TLE2: variants seen among roughly 807,000 people sequenced by gnomAD.
The protein encoded by TLE2 is transducin-like enhancer protein 2.
Under a neutral mutation model 97.2 loss-of-function variants are expected in TLE2, and 74 were observed. The observed-to-expected ratio is 0.76, with a 90% CI of 0.63 to 0.92. The LOEUF (loss-of-function observed/expected upper bound fraction) is 0.92, where lower values mean the gene tolerates loss of function less well. Among genes scored for constraint, TLE2 ranks in the 40% least tolerant of loss-of-function variants. The pLI is 0.00. For synonymous variants in TLE2, 499 were observed against 432.1 expected (o/e 1.15, Z -1.92); for missense variants, 1,038 against 1,008.7 (o/e 1.03, Z -0.39).
At chr19:3,044,399 T>C (rs907208863) in intron 1 of TLE2, among the ~76,000 whole-genome samples, 7 of 152,046 alleles carry the variant, frequency 4.6e-5, no homozygotes, top group Non-Finnish European at 8.8e-5. Flanking sequence ...CTGGCCCACA[T>C]CCACCCATCT....
At chr19:3,015,906 G>A (rs753968203) in intron 8 of TLE2, 146 bp from the exon 9 acceptor site, 85 of 708,414 alleles carry the variant, frequency 1.2e-4, no homozygotes, top group Non-Finnish European at 2.0e-4. Flanking sequence ...AGCTTCCAAC[G>A]GCTGACTCAG....
At chr19:3,032,168 G>C (rs538640428), upstream of TLE2, among the ~76,000 whole-genome samples, 1 of 152,018 alleles carries the variant, frequency 6.6e-6, no homozygotes, top group Admixed American at 6.5e-5. The surrounding 1 kb of genome is among the most constrained non-coding windows in gnomAD (Gnocchi z 4.1). Context: ...CTGACCTCAG[G>C]TGATCCACCT....
chr19:3,040,050 C>A (rs560395627), intron 1 of TLE2, among the ~76,000 whole-genome samples: 104 of 152,326 alleles, frequency 6.8e-4, no homozygotes, highest in African/African-American at 2.5e-3. Context: ...GGTGCGGAAG[C>A]AGAGCTGGGG....
In TLE2 at chr19:3,009,535, G is replaced by A. The variant is rs1385331828; in HGVS notation, c.1173+7C>T. 2 of 1,595,610 alleles carry A rather than the reference G, an allele frequency of 1.3e-6. No individual in the cohort carries two copies. The highest frequency in any genetic ancestry group is 1.3e-5 in the African/African-American group (1 of 74,442). On this transcript the variant is annotated splice_region_variant and intron_variant, in intron 13 of 19. Transcript: ENST00000262953. ...GACACCTCCTGCGCCCCCACCCAAGGACTCACCACGGGGGAGCGTCCGTAC... is the reference window on the plus strand; with the variant it reads ...GACACCTCCTGCGCCCCCACCCAAGAACTCACCACGGGGGAGCGTCCGTAC...
At chr19:3,031,386 G>A (rs1390787399), upstream of TLE2, among the ~76,000 whole-genome samples, 1 of 137,610 alleles carries the variant, frequency 7.3e-6, no homozygotes, top group Non-Finnish European at 1.6e-5. Flanking sequence ...GTGTGTGTGT[G>A]TAGTACTCAC....
chr19:3,033,725 CT>C (rs1379763299), upstream of TLE2, among the ~76,000 whole-genome samples: 1 of 152,148 alleles, frequency 6.6e-6, no homozygotes, highest in African/African-American at 2.4e-5. Flanking sequence ...GGGCGGCCCT[CT>C]TCCCTCTCTA....
At chr19:3,007,798 T>C (rs143214256) in intron 14 of TLE2, among the ~76,000 whole-genome samples, 119 of 152,178 alleles carry the variant, frequency 7.8e-4, no homozygotes, top group African/African-American at 2.5e-3. Flanking sequence ...TAAATAAACA[T>C]TTTCAGGCCG....
At chr19:3,036,234 G>T (rs1251633655) in intron 1 of TLE2, among the ~76,000 whole-genome samples, 1 of 152,166 alleles carries the variant, frequency 6.6e-6, no homozygotes, top group Non-Finnish European at 1.5e-5. Flanking sequence ...GTGGAAGCTG[G>T]AGGAGAGCAC....
upstream of TLE2, among the ~76,000 whole-genome samples, chr19:3,034,222 C>T (rs1761960525): frequency 6.6e-6 from 1 of 151,858 alleles, no homozygotes; most frequent in African/African-American, 2.4e-5. Context: ...CCCACCCCAG[C>T]AGCCCCCACC....
intron 19 of TLE2, among the ~76,000 whole-genome samples, chr19:2,999,524 A>T (rs559317868): frequency 2.7e-5 from 4 of 150,774 alleles, no homozygotes; most frequent in Non-Finnish European, 4.4e-5. Context: ...TCAGGAGATC[A>T]AGACCATCCT....
chr19:3,010,188 A>G (rs1023510471), intron 12 of TLE2, among the ~76,000 whole-genome samples: 5 of 151,876 alleles, frequency 3.3e-5, no homozygotes, highest in African/African-American at 1.2e-4. Flanking sequence ...ACATGGTGAA[A>G]CCTGGTCTCT....
In TLE2 at chr19:3,029,050, G is replaced by C; in HGVS notation, c.-146C>G. ...AAGCGGCGCGGGGCAAGGGACCCTG[G>C]AGTCCCTGGCGCGCCCCCAAGCGCG... On this transcript the variant is annotated 5_prime_UTR_variant, in exon 1 of 20. Transcript: ENST00000262953. 1.4e-6 allele frequency: 2 copies of C among 1,413,828 alleles called. No homozygotes were observed. Among genetic ancestry groups the C allele is most frequent in the South Asian group, 3.2e-5 (2 of 61,580 alleles). 87.6% of individuals were successfully genotyped at this position (1,413,828 alleles called of 1,614,324 possible).
chr19:3,023,276 C>A (rs953156), intron 5 of TLE2, among the ~76,000 whole-genome samples: 2,279 of 151,998 alleles, frequency 0.015, 50 homozygotes, highest in African/African-American at 0.053. Flanking sequence ...GACCTCATGA[C>A]CCGCACGCCT....
At chr19:3,006,139 C>A (rs1169694070) in intron 15 of TLE2, 171 bp from the exon 16 acceptor site, 1 of 958,898 alleles carries the variant, frequency 1.0e-6, no homozygotes, top group Non-Finnish European at 1.7e-6. Context: ...AAACACTGCC[C>A]CATCTGACTA....
intron 8 of TLE2, among the ~76,000 whole-genome samples, chr19:3,016,500 G>A (rs1222697991): frequency 6.8e-6 from 1 of 146,698 alleles, no homozygotes; most frequent in African/African-American, 2.5e-5. Context: ...TGAGGCAGGA[G>A]AATCACTTGA....
chr19:3,006,787 T>C (rs553275617), intron 14 of TLE2, 118 bp from the exon 15 acceptor site: 16 of 1,417,314 alleles, frequency 1.1e-5, no homozygotes, highest in Non-Finnish European at 1.5e-5. Context: ...TTTTTATTTT[T>C]TGTTTTGTTT....
At chr19:3,025,404 T>C in intron 4 of TLE2, 1 of 1,154,894 alleles carries the variant, frequency 8.7e-7, no homozygotes, top group Non-Finnish European at 1.1e-6. Context: ...GACACCCAAC[T>C]CAGACGCAGA....
upstream of TLE2, chr19:3,045,860 A>G (rs1473319147): frequency 2.9e-6 from 1 of 345,726 alleles, no homozygotes; most frequent in Non-Finnish European, 6.0e-6. Context: ...TAAGATCCTG[A>G]ATTTCCTGCA....
chr19:3,005,270 G>A (rs2089448377), intron 17 of TLE2, among the ~76,000 whole-genome samples, 167 bp downstream of exon 17: 1 of 152,122 alleles, frequency 6.6e-6, no homozygotes, highest in African/African-American at 2.4e-5. Flanking sequence ...TCTTTAGAGA[G>A]TTACAGGGGA....
Sources: allele counts gnomAD v4.1 joint callset (sites outside exome capture counted in the v4.1 genomes callset), GRCh38; gene constraint gnomAD v4.1.1; non-coding constraint Gnocchi (gnomAD v3.1); transcripts MANE v1.5; gene names NCBI Gene and HGNC (gene_info 2026-07-23, HGNC 2026-07-21).